EPB41: variants seen among roughly 807,000 people sequenced by gnomAD.
The protein encoded by EPB41 is protein 4.1.
Under a neutral mutation model 108.0 loss-of-function variants are expected in EPB41, and 65 were observed. That is an observed-to-expected ratio of 0.60 (90% CI 0.49 to 0.74). The LOEUF is 0.74. EPB41 is among the 30% of genes least tolerant of loss of function. The probability of loss-of-function intolerance (pLI) is 0.00; values close to 1 mark genes in which losing one functional copy is unlikely to be tolerated. For missense variants in EPB41, 875 were observed against 1,037.0 expected, an observed-to-expected ratio of 0.84 and a Z score of 2.15; for synonymous variants, 336 against 358.9, an observed-to-expected ratio of 0.94 and a Z score of 0.72.
rs1007287459 is a variant in EPB41 at position 28,887,286 on chromosome 1, A to C, written c.-8+76A>C. The C allele has an allele frequency of 1.5e-5, 19 of 1,248,282 alleles. No individual in the cohort carries two copies. The highest frequency in any genetic ancestry group is 7.8e-5 in the African/African-American group (5 of 64,172). 77.3% of individuals were successfully genotyped at this position (1,248,282 alleles called of 1,614,324 possible). ...GTTAGGGACAGAAGAACCTACCCCCAAGGGCTCGGACCGTCCCGGGAGAGG... is the reference window on the plus strand; with the variant it reads ...GTTAGGGACAGAAGAACCTACCCCCCAGGGCTCGGACCGTCCCGGGAGAGG... On this transcript the variant is annotated intron_variant, in intron 1 of 16. Coordinates refer to the EPB41 transcript ENST00000347529. This position sits in a 1 kb window ranked among gnomAD's most constrained non-coding sequence, Gnocchi z 4.9.
At position 29,068,668 on chromosome 1, in the gene EPB41, A is replaced by G. The variant is rs137978399; in HGVS notation, c.2184+3510A>G. 1.6e-3 allele frequency: 1,659 copies of G among 1,025,142 alleles called. 44 individuals are homozygous for G. The East Asian group carries it at 0.045, about 27-fold the overall frequency. 63.5% of individuals were successfully genotyped at this position (1,025,142 alleles called of 1,614,324 possible). ...TCCATTCTCTGGGGATACCTCTTCC[A>G]CCTTTGACGGTATTGTTGTTGCATT... On this transcript the variant is annotated intron_variant, in intron 16 of 20. Coordinates refer to ENST00000343067, the MANE Select transcript of EPB41 (RefSeq NM_001376013.1).
intron 1 of EPB41, among the ~76,000 whole-genome samples, chr1:28,915,017 C>T (rs1253799187): frequency 6.6e-6 from 1 of 151,382 alleles, no homozygotes; most frequent in African/African-American, 2.4e-5. Flanking sequence ...GGTTGCGTCG[C>T]GGGAGTGTTG....
At chr1:28,906,055 C>T (rs203296) in intron 1 of EPB41, among the ~76,000 whole-genome samples, 18,639 of 151,972 alleles carry the variant, frequency 0.12, 1,569 homozygotes, top group African/African-American at 0.25. Context: ...CTGGCCTCAA[C>T]TGATCCACCT....
chr1:29,035,156 T>G (rs963741013), intron 9 of EPB41, among the ~76,000 whole-genome samples: 52 of 152,068 alleles, frequency 3.4e-4, no homozygotes, highest in Non-Finnish European at 4.4e-4. Context: ...TAATTTTTTT[T>G]GTATTTTTAG....
chr1:28,943,176 TA>T (rs1029903850), intron 1 of EPB41, among the ~76,000 whole-genome samples: 1 of 152,160 alleles, frequency 6.6e-6, no homozygotes, highest in Non-Finnish European at 1.5e-5. Flanking sequence ...GTTAATTTGG[TA>T]AAAAATTTCC....
At chr1:28,952,746 C>A (rs1230901997) in intron 1 of EPB41, among the ~76,000 whole-genome samples, 5 of 152,176 alleles carry the variant, frequency 3.3e-5, no homozygotes, top group Non-Finnish European at 7.3e-5. Flanking sequence ...TATTTCCAGA[C>A]AAGGGCTATT....
chr1:28,907,070 CTT>C (rs755604566), intron 1 of EPB41, among the ~76,000 whole-genome samples: 2 of 140,366 alleles, frequency 1.4e-5, no homozygotes, highest in Admixed American at 7.2e-5. Context: ...CATGCCTGGC[CTT>C]TTTTTTTTTT....
intron 1 of EPB41, among the ~76,000 whole-genome samples, chr1:28,900,192 G>C (rs1363944787): frequency 1.3e-5 from 2 of 152,046 alleles, no homozygotes; most frequent in African/African-American, 4.8e-5. Flanking sequence ...TAAATATTTA[G>C]AGTTTCCACA....
chr1:28,996,050 C>T (rs1248576714), intron 3 of EPB41, among the ~76,000 whole-genome samples: 3 of 152,124 alleles, frequency 2.0e-5, no homozygotes, highest in Non-Finnish European at 4.4e-5. Context: ...TCTCAGAAGA[C>T]ATTCACATAT....
intron 1 of EPB41, among the ~76,000 whole-genome samples, chr1:28,921,938 T>TTTTATATATATA (rs370726721): frequency 1.9e-5 from 2 of 102,632 alleles, no homozygotes; most frequent in African/African-American, 9.1e-5. Flanking sequence ...TTATGAAATT[T>TTTTATATATATA]TATATATATA....
At chr1:29,085,018 A>G (rs1416137333) in intron 16 of EPB41, among the ~76,000 whole-genome samples, 1 of 152,224 alleles carries the variant, frequency 6.6e-6, no homozygotes, top group African/African-American at 2.4e-5. Context: ...CTTTGCAAAA[A>G]GTAATATTTT....
intron 4 of EPB41, among the ~76,000 whole-genome samples, chr1:29,001,053 C>G (rs2096284282): frequency 6.6e-6 from 1 of 151,996 alleles, no homozygotes. Context: ...TATGCTGTCT[C>G]TTGGCTGGGT....
In EPB41 at chr1:29,100,539, A is replaced by G. The variant is rs111777730; in HGVS notation, c.2313+2604A>G. On this transcript the variant is annotated intron_variant, in intron 17 of 20. Coordinates refer to ENST00000343067, the MANE Select transcript of EPB41 (RefSeq NM_001376013.1). ...AAAAAAGAGAATTAGGGTTGGTCAC[A>G]GTGACTTTGGGAGGCTGAGGAGGGA... Among the ~76,000 whole-genome samples the G allele has an allele frequency of 7.8e-3, 1,156 of 148,378 alleles. 9 individuals carry two copies. The highest frequency in any genetic ancestry group is 0.027 in the African/African-American group (1,089 of 41,038).
At chr1:28,938,572 A>C (rs1004096585) in intron 1 of EPB41, among the ~76,000 whole-genome samples, 1 of 149,238 alleles carries the variant, frequency 6.7e-6, no homozygotes, top group African/African-American at 2.5e-5. Context: ...TGGCTGCGTC[A>C]TCCAGGCTGG....
chr1:28,983,422 G>A lies in EPB41; in HGVS notation c.-7-4009G>A, dbSNP rs192487466. 2.4e-4 allele frequency among the ~76,000 whole-genome samples: 37 copies of A among 152,274 alleles called. 1 individual carries two copies. Among genetic ancestry groups the A allele is most frequent in the Admixed American group, 2.2e-3 (33 of 15,282 alleles). On this transcript the variant is annotated intron_variant, in intron 1 of 20. Transcript: ENST00000343067. ...GTTTTCTGTGCTTCCTACTCAAAAT[G>A]TGCTCAGTGGGCCAGCAGCATTGGC...
intron 1 of EPB41, among the ~76,000 whole-genome samples, chr1:28,923,986 A>C (rs934403535): frequency 6.6e-6 from 1 of 152,110 alleles, no homozygotes; most frequent in African/African-American, 2.4e-5. Flanking sequence ...TGTCACTTCT[A>C]AGATTAGGTT....
chr1:29,103,708 C>T (rs975551451), intron 17 of EPB41, among the ~76,000 whole-genome samples: 2 of 152,126 alleles, frequency 1.3e-5, no homozygotes, highest in Admixed American at 6.6e-5. Context: ...CACTCTGTCA[C>T]CCAGGCTGGA....
intron 11 of EPB41, among the ~76,000 whole-genome samples, chr1:29,048,580 CATT>C (rs1313449390): frequency 6.6e-6 from 1 of 152,162 alleles, no homozygotes; most frequent in Non-Finnish European, 1.5e-5. Flanking sequence ...CATTAATGTT[CATT>C]ATTTCTTACA....
intron 16 of EPB41, among the ~76,000 whole-genome samples, chr1:29,082,910 C>T (rs1414379041): frequency 2.0e-5 from 3 of 152,136 alleles, no homozygotes; most frequent in Non-Finnish European, 4.4e-5. Flanking sequence ...CAATGTTTGA[C>T]AGATAATTAT....
Sources: gnomAD v4.1 joint callset for allele counts (sites outside exome capture counted in the v4.1 genomes callset) on GRCh38, gnomAD v4.1.1 for gene constraint, Gnocchi (gnomAD v3.1) non-coding constraint, MANE v1.5 for transcripts, NCBI Gene and HGNC (gene_info 2026-07-23, HGNC 2026-07-21) for gene names.